Variants in ELSPBP1 observed in about 807,000 individuals in gnomAD.
The protein encoded by ELSPBP1 is epididymal sperm-binding protein 1.
Under a neutral mutation model 33.3 loss-of-function variants are expected in ELSPBP1, and 38 were observed. The observed-to-expected ratio is 1.14, with a 90% CI of 0.88 to 1.50. The LOEUF (loss-of-function observed/expected upper bound fraction) is 1.50, where lower values mean the gene tolerates loss of function less well. ELSPBP1 is among the 40% of genes most tolerant of loss of function. The pLI is 0.00. For synonymous variants in ELSPBP1, 85 were observed against 94.1 expected (o/e 0.90, Z 0.56); for missense variants, 267 against 263.5 (o/e 1.01, Z -0.09).
intron 1 of ELSPBP1, among the ~76,000 whole-genome samples, chr19:48,003,427 C>G (rs1479298488): frequency 2.0e-5 from 3 of 151,586 alleles, no homozygotes; most frequent in East Asian, 1.9e-4. Context: ...AAAGGCAGAT[C>G]GAGGGAGGGG....
At chr19:48,023,759 G>A (rs1233571673) in intron 6 of ELSPBP1, among the ~76,000 whole-genome samples, 1 of 152,022 alleles carries the variant, frequency 6.6e-6, no homozygotes, top group Non-Finnish European at 1.5e-5. Context: ...TGGGCCTCCT[G>A]CCCCACCTCA....
chr19:48,001,284 C>T (rs1966964733), intron 1 of ELSPBP1, among the ~76,000 whole-genome samples: 1 of 151,822 alleles, frequency 6.6e-6, no homozygotes, highest in South Asian at 2.1e-4. Flanking sequence ...GATTCTCCTG[C>T]CTCAGCCTCC....
At chr19:48,020,019 T>A in intron 5 of ELSPBP1, 142 bp downstream of exon 5, 1 of 869,584 alleles carries the variant, frequency 1.1e-6, no homozygotes, top group Non-Finnish European at 1.7e-6. Flanking sequence ...GACAGAGTTC[T>A]GGCTCACGAA....
At chr19:48,018,270 A>G (rs2122329475) in intron 4 of ELSPBP1, among the ~76,000 whole-genome samples, 1 of 152,306 alleles carries the variant, frequency 6.6e-6, no homozygotes, top group Non-Finnish European at 1.5e-5. Context: ...TATTATCTGC[A>G]AAATGAGAAT....
chr19:48,003,701 T>A (rs1966989655), intron 1 of ELSPBP1, among the ~76,000 whole-genome samples: 2 of 102,676 alleles, frequency 1.9e-5, no homozygotes, highest in African/African-American at 7.0e-5. Context: ...CACGCCCAGC[T>A]AATTTTTTTT....
rs367994047 is a variant in ELSPBP1, at chr19:48,021,462, C to T, written c.515-708C>T. Among the ~76,000 whole-genome samples, 912 of 148,248 alleles carry T rather than the reference C, an allele frequency of 6.2e-3. 8 individuals carry two copies. The highest frequency in any genetic ancestry group is 0.022 in the African/African-American group (872 of 40,102). On this transcript the variant is annotated intron_variant, in intron 5 of 6. Coordinates refer to ENST00000339841, the MANE Select transcript of ELSPBP1 (RefSeq NM_022142.5). ...GTTTTATTTTATTTTATTTTTGAGACGGAATCTCACTCTGTCGCCCAGGCT... is the reference window on the plus strand; with the variant it reads ...GTTTTATTTTATTTTATTTTTGAGATGGAATCTCACTCTGTCGCCCAGGCT...
At chr19:48,012,048 G>T (rs930160784) in intron 2 of ELSPBP1, among the ~76,000 whole-genome samples, 1 of 152,140 alleles carries the variant, frequency 6.6e-6, no homozygotes, top group Non-Finnish European at 1.5e-5. Context: ...ATTTGGGATA[G>T]AATAGCATTT....
intron 1 of ELSPBP1, among the ~76,000 whole-genome samples, chr19:48,000,620 C>G (rs562799982): frequency 6.6e-5 from 10 of 152,246 alleles, no homozygotes; most frequent in Non-Finnish European, 7.4e-5. Context: ...GAAGGTCACA[C>G]GGATGAGCAG....
intron 5 of ELSPBP1, 148 bp downstream of exon 5, chr19:48,020,025 A>G: frequency 1.2e-6 from 1 of 820,276 alleles, no homozygotes; most frequent in Non-Finnish European, 1.9e-6. Flanking sequence ...GTTCTGGCTC[A>G]CGAATAATGT....
rs972120546 is a variant in ELSPBP1 at position 48,011,375 on chromosome 19, AATG to A, written c.70+2646_70+2648del. Among the ~76,000 whole-genome samples the A allele has an allele frequency of 1.3e-4, 19 of 150,726 alleles. No homozygotes were observed. The highest frequency in any genetic ancestry group is 1.1e-3 in the South Asian group (5 of 4,728). The stretch of plus-strand genomic sequence containing the variant: ...TGACGATGATGATGATGATGGTGAC[AATG>A]ATGATGACGATGATAATGATGATGT... On this transcript the variant is annotated intron_variant, in intron 2 of 6. Transcript: ENST00000339841. This position sits in a 1 kb window ranked among gnomAD's most constrained non-coding sequence, Gnocchi z 4.5.
At chr19:48,013,914 G>A (rs889953085) in intron 2 of ELSPBP1, among the ~76,000 whole-genome samples, 6 of 152,014 alleles carry the variant, frequency 3.9e-5, no homozygotes, top group Non-Finnish European at 7.4e-5. Flanking sequence ...CATCGTAGAA[G>A]GGGCTAGCTA....
intron 1 of ELSPBP1, among the ~76,000 whole-genome samples, chr19:48,007,016 T>C (rs373561001): frequency 6.6e-6 from 1 of 152,166 alleles, no homozygotes; most frequent in African/African-American, 2.4e-5. Context: ...CTTAAATCAG[T>C]AACTTTGGGA....
intron 5 of ELSPBP1, 41 bp from the exon 6 acceptor site, chr19:48,022,129 C>T (rs762626294): frequency 6.3e-7 from 1 of 1,581,642 alleles, no homozygotes; most frequent in Admixed American, 1.7e-5. Context: ...CAGTGTGAAG[C>T]CTGAGGAGTA....
chr19:48,012,754 C>T (rs1915069027), intron 2 of ELSPBP1, among the ~76,000 whole-genome samples: 1 of 152,260 alleles, frequency 6.6e-6, no homozygotes, highest in Non-Finnish European at 1.5e-5. Flanking sequence ...ACCACCAGTA[C>T]TATTATTTAC....
chr19:48,012,003 G>A (rs115331992), intron 2 of ELSPBP1, among the ~76,000 whole-genome samples: 4,668 of 151,574 alleles, frequency 0.031, 94 homozygotes, highest in African/African-American at 0.048. Flanking sequence ...ACTTTAATTA[G>A]TCCTTATTGT....
intron 5 of ELSPBP1, 59 bp from the exon 6 acceptor site, chr19:48,022,111 C>G: frequency 6.5e-7 from 1 of 1,536,076 alleles, no homozygotes; most frequent in South Asian, 1.3e-5. Context: ...AAGCCCACGC[C>G]TCTACGACAG....
intron 2 of ELSPBP1, among the ~76,000 whole-genome samples, chr19:48,009,012 T>C (rs535731471): frequency 1.3e-5 from 2 of 151,854 alleles, no homozygotes; most frequent in Admixed American, 1.3e-4. Flanking sequence ...GGTGAGCGCC[T>C]GTAATCCCAG....
At chr19:48,017,726 G>A (rs1967156973) in intron 4 of ELSPBP1, among the ~76,000 whole-genome samples, 1 of 151,776 alleles carries the variant, frequency 6.6e-6, no homozygotes. Flanking sequence ...GACCCGCTCT[G>A]TAAAAACAAG....
rs780152411 is a variant in ELSPBP1 at position 48,016,006 on chromosome 19, G to C, written c.322G>C (p.Glu108Gln). Residue 108 changes from glutamate (E) to glutamine (Q), a missense_variant, in exon 4 of 7, where the codon GAG becomes CAG. Physicochemically the swap from Glu to Gln is conservative, Grantham distance 29. Coordinates refer to ENST00000339841, the MANE Select transcript of ELSPBP1 (RefSeq NM_022142.5). ...GTGCTCAGTCACCTCTGTCTTCGAT[G>C]AGAAACAGCAGTGGAAATTCTGTGA... ...LWCSVTSVFDEKQQWKFCETN... is the reference protein window; with the variant it reads ...LWCSVTSVFDQKQQWKFCETN... The C allele has an allele frequency of 6.2e-7, 1 of 1,613,890 alleles. No individual in the cohort carries two copies. Among genetic ancestry groups the C allele is most frequent in the Admixed American group, 1.7e-5 (1 of 60,024 alleles).
Sources: allele counts gnomAD v4.1 joint callset (sites outside exome capture counted in the v4.1 genomes callset), GRCh38; gene constraint gnomAD v4.1.1; non-coding constraint Gnocchi (gnomAD v3.1); transcripts MANE v1.5; gene names NCBI Gene and HGNC (gene_info 2026-07-23, HGNC 2026-07-21).